FGF7: variants seen among roughly 807,000 people sequenced by gnomAD.
The protein encoded by FGF7 is FGF-7.
In FGF7, 6 loss-of-function variants were observed where a neutral mutation model predicts 20.5. That is an observed-to-expected ratio of 0.29 (90% CI 0.16 to 0.58). FGF7 has a LOEUF of 0.58. FGF7 is among the 20% of genes least tolerant of loss of function. The pLI is 0.90. For missense variants in FGF7, 144 were observed against 228.8 expected (o/e 0.63, Z 2.39); for synonymous variants, 64 against 74.7 (o/e 0.86, Z 0.74).
chr15:49,439,304 AAG>A (rs570653949), intron 2 of FGF7, among the ~76,000 whole-genome samples: 1 of 151,216 alleles, frequency 6.6e-6, no homozygotes, highest in South Asian at 2.1e-4. Flanking sequence ...GGGAGGGAGA[AAG>A]AGAGAGAGAA....
At chr15:49,475,408 G>C (rs1354182962) in intron 2 of FGF7, among the ~76,000 whole-genome samples, 2 of 152,160 alleles carry the variant, frequency 1.3e-5, no homozygotes, top group Non-Finnish European at 2.9e-5. Context: ...CCTTTGAAAA[G>C]ATTTCAGAGT....
intron 2 of FGF7, among the ~76,000 whole-genome samples, chr15:49,437,890 A>T (rs74012376): frequency 0.017 from 2,604 of 151,734 alleles, 94 homozygotes; most frequent in African/African-American, 0.06. Context: ...AGTGGAGGCC[A>T]GCTAACAGAA....
At chr15:49,477,631 T>C (rs907799307) in intron 2 of FGF7, among the ~76,000 whole-genome samples, 1 of 152,240 alleles carries the variant, frequency 6.6e-6, no homozygotes, top group Non-Finnish European at 1.5e-5. Context: ...ATAAAGCTTC[T>C]ATAAATAGTC....
chr15:49,483,440 G>C (rs1042986795), intron 3 of FGF7, among the ~76,000 whole-genome samples, 186 bp downstream of exon 3: 6 of 152,154 alleles, frequency 3.9e-5, no homozygotes, highest in Non-Finnish European at 8.8e-5. Flanking sequence ...CAAATGGCTT[G>C]TTCTTTGGAT....
At chr15:49,449,958 G>T (rs1474768738) in intron 2 of FGF7, among the ~76,000 whole-genome samples, 1 of 152,050 alleles carries the variant, frequency 6.6e-6, no homozygotes, top group Non-Finnish European at 1.5e-5. Context: ...CATATGCAAA[G>T]AAAATGTCAT....
In FGF7 at chr15:49,478,150, A is replaced by C. The variant is rs530993185; in HGVS notation, c.287-5001A>C. ...AGTACCCAGTGTTTAGCTCCCACTT[A>C]TAAGGGAAAACATGCAGTATTTAGT... is the stretch of plus-strand genomic sequence containing the variant. On this transcript the variant is annotated intron_variant, in intron 2 of 3. Transcript: ENST00000267843. Among the ~76,000 whole-genome samples, 3 of 152,234 alleles carry C rather than the reference A, an allele frequency of 2.0e-5. No individual in the cohort carries two copies. In the East Asian group the frequency reaches 5.8e-4, roughly 29 times the overall value.
rs67362920 is a variant in FGF7 at position 49,465,304 on chromosome 15, C to CTT, written c.287-17834_287-17833dup. On this transcript the variant is annotated intron_variant, in intron 2 of 3. Coordinates refer to ENST00000267843, the MANE Select transcript of FGF7 (RefSeq NM_002009.4). The stretch of plus-strand genomic sequence containing the variant: ...GCCACCATGTCTGGCTTTTCTTTTT[C>CTT]TTTTTTTTTTTTTTGGTAGAGATGG... Among the ~76,000 whole-genome samples, 138 of 140,574 alleles carry CTT rather than the reference C, an allele frequency of 9.8e-4. 1 individual carries two copies. Among genetic ancestry groups the CTT allele is most frequent in the Admixed American group, 2.2e-3 (31 of 14,036 alleles). 92.2% of individuals were successfully genotyped at this position (140,574 alleles called of 152,430 possible). A position where few individuals can be genotyped will look rare whatever the true frequency, so the allele number is the denominator to read the frequency against.
intron 2 of FGF7, among the ~76,000 whole-genome samples, chr15:49,477,616 T>C (rs2055468834): frequency 6.6e-6 from 1 of 152,242 alleles, no homozygotes; most frequent in Non-Finnish European, 1.5e-5. Context: ...TTTTTGATGA[T>C]ACGAATAAAG....
intron 2 of FGF7, among the ~76,000 whole-genome samples, chr15:49,450,888 T>C (rs2052657806): frequency 1.3e-5 from 2 of 152,140 alleles, no homozygotes; most frequent in African/African-American, 4.8e-5. Flanking sequence ...GGGCTGAACC[T>C]ATTTGGGAAA....
At chr15:49,476,021 C>A (rs1448384859) in intron 2 of FGF7, among the ~76,000 whole-genome samples, 1 of 152,128 alleles carries the variant, frequency 6.6e-6, no homozygotes, top group Admixed American at 6.5e-5. Flanking sequence ...ATCTTCTGAA[C>A]ATGACTTTTG....
intron 2 of FGF7, among the ~76,000 whole-genome samples, chr15:49,431,258 G>C (rs11855798): frequency 0.28 from 41,997 of 151,604 alleles, 7,130 homozygotes; most frequent in Non-Finnish European, 0.38. Context: ...ACATGATTTG[G>C]AAAATTGTGT....
chr15:49,425,329 C>T (rs1424597399), intron 2 of FGF7: 1 of 151,854 alleles, frequency 6.6e-6, no homozygotes, highest in African/African-American at 2.4e-5. Context: ...TACATTTTTC[C>T]CAAGAATCAG....
chr15:49,447,137 G>A (rs967041973), intron 2 of FGF7, among the ~76,000 whole-genome samples: 1 of 151,506 alleles, frequency 6.6e-6, no homozygotes, highest in Non-Finnish European at 1.5e-5. Context: ...CTGATATAAG[G>A]CTTTCAAAAA....
At chr15:49,448,106 C>G (rs566335374) in intron 2 of FGF7, among the ~76,000 whole-genome samples, 71 of 151,680 alleles carry the variant, frequency 4.7e-4, no homozygotes, top group Non-Finnish European at 9.3e-4. Context: ...AAATATGAAG[C>G]AACATATTAT....
chr15:49,432,707 A>G (rs761694097), intron 2 of FGF7, among the ~76,000 whole-genome samples: 54 of 151,702 alleles, frequency 3.6e-4, no homozygotes, highest in Admixed American at 6.6e-4. Flanking sequence ...CATGTATGCC[A>G]AAGTCAGAAG....
intron 2 of FGF7, among the ~76,000 whole-genome samples, chr15:49,448,558 A>C (rs2052432418): frequency 6.6e-6 from 1 of 151,824 alleles, no homozygotes; most frequent in South Asian, 2.1e-4. Flanking sequence ...GATTAAAAAT[A>C]AATATACTAG....
chr15:49,477,110 C>G (rs1567353760), intron 2 of FGF7, among the ~76,000 whole-genome samples: 2 of 151,950 alleles, frequency 1.3e-5, no homozygotes, highest in Admixed American at 6.6e-5. Context: ...AAACAATCTC[C>G]ATTTCCCCCC....
chr15:49,443,776 G>C (rs2051904513), intron 2 of FGF7, among the ~76,000 whole-genome samples: 1 of 151,544 alleles, frequency 6.6e-6, no homozygotes, highest in African/African-American at 2.4e-5. Context: ...ACCATGGTTT[G>C]GCTTCAGAGA....
chr15:49,482,045 A>G (rs927142182), intron 2 of FGF7, among the ~76,000 whole-genome samples: 22 of 152,152 alleles, frequency 1.4e-4, no homozygotes, highest in African/African-American at 4.8e-4. Flanking sequence ...CTTTAAGTCA[A>G]TATTTTAGAA....
Sources: gnomAD v4.1 joint callset for allele counts (sites outside exome capture counted in the v4.1 genomes callset) on GRCh38, gnomAD v4.1.1 for gene constraint, MANE v1.5 for transcripts, NCBI Gene and HGNC (gene_info 2026-07-23, HGNC 2026-07-21) for gene names.